CRTAM: variants seen among roughly 807,000 people sequenced by gnomAD.
CRTAM encodes cytotoxic and regulatory T-cell molecule.
In CRTAM, 44 loss-of-function variants were observed where a neutral mutation model predicts 50.0. That is an observed-to-expected ratio of 0.88 (90% CI 0.69 to 1.13). CRTAM has a LOEUF of 1.13. Among genes scored for constraint, CRTAM ranks in the 50% most tolerant of loss-of-function variants. The pLI is 0.00. For synonymous variants in CRTAM, 159 were observed against 169.3 expected (o/e 0.94, Z 0.47); for missense variants, 448 against 457.5 (o/e 0.98, Z 0.19).
At chr11:122,862,637 GT>G in intron 6 of CRTAM, 93 bp downstream of exon 6, 1 of 880,818 alleles carries the variant, frequency 1.1e-6, no homozygotes, top group Non-Finnish European at 1.7e-6. Context: ...AATATTTTTT[GT>G]TTTAATTTTT....
At chr11:122,838,933 A>ATTTG (rs1287025975) in intron 1 of CRTAM, among the ~76,000 whole-genome samples, 16 of 151,892 alleles carry the variant, frequency 1.1e-4, no homozygotes, top group Non-Finnish European at 1.8e-4. Flanking sequence ...TATTTTATTT[A>ATTTG]TTTATTTATT....
At chr11:122,864,160 G>A (rs1365447879) in intron 6 of CRTAM, among the ~76,000 whole-genome samples, 2 of 152,138 alleles carry the variant, frequency 1.3e-5, no homozygotes, top group African/African-American at 2.4e-5. Flanking sequence ...TTGGAATGCC[G>A]TTCCTCGGTG....
rs562955752 is a variant in CRTAM at position 122,870,318 on chromosome 11, T to C, written c.1052-951T>C. ...CTGGTCTTGAACTCCTGGACTCAAG[T>C]GATCCACCCACCTTGGCCTCCCAAA... On this transcript the variant is annotated intron_variant, in intron 9 of 9. Coordinates refer to ENST00000227348, the MANE Select transcript of CRTAM (RefSeq NM_019604.4). 6.6e-5 allele frequency among the ~76,000 whole-genome samples: 10 copies of C among 152,138 alleles called. No homozygotes were observed. The East Asian group carries it at 1.6e-3, about 24-fold the overall frequency.
chr11:122,853,960 A>G lies in CRTAM; in HGVS notation c.364A>G (p.Ile122Val). The G allele has an allele frequency of 6.2e-7, 1 of 1,614,052 alleles. No individual in the cohort carries two copies. Among genetic ancestry groups the G allele is most frequent in the African/African-American group, 1.3e-5 (1 of 75,030 alleles). The change falls in exon 4 of 10, where the codon ATC becomes GTC. Residue 122 changes from isoleucine (I) to valine (V), a missense_variant. Physicochemically the swap from Ile to Val is conservative, Grantham distance 29. Coordinates refer to ENST00000227348, the MANE Select transcript of CRTAM (RefSeq NM_019604.4). ...TGTTCTAGCAACTCCTTTCAAGCCA[A>G]TCCTGGAAGCTTCAGTTATCAGAAA... ...VIVLATPFKP[I>V]LEASVIRKQN...
At chr11:122,843,211 C>T (rs1861821038) in intron 1 of CRTAM, among the ~76,000 whole-genome samples, 1 of 152,138 alleles carries the variant, frequency 6.6e-6, no homozygotes, top group Admixed American at 6.6e-5. Context: ...GTAAAGCCAT[C>T]CACTGATAGG....
rs574304585 is a variant in CRTAM, at chr11:122,863,321, A to G, written c.733+777A>G. 4.7e-4 allele frequency among the ~76,000 whole-genome samples: 49 copies of G among 103,550 alleles called. 1 individual carries two copies. The highest frequency in any genetic ancestry group is 8.3e-4 in the Non-Finnish European group (36 of 43,636). The allele number at this position is 103,550 out of a possible 152,430, so 67.9% of individuals were successfully genotyped here. A position where few individuals can be genotyped will look rare whatever the true frequency, so the allele number is the denominator to read the frequency against. ...AAGAGAGAAAGAAAAGAAAGAAAGA[A>G]AAAGAAAGAAAGAAAGAAAGAAAGA... On this transcript the variant is annotated intron_variant, in intron 6 of 9. Transcript: ENST00000227348.
chr11:122,852,856 C>T (rs1262096752), intron 3 of CRTAM, among the ~76,000 whole-genome samples: 1 of 152,080 alleles, frequency 6.6e-6, no homozygotes, highest in African/African-American at 2.4e-5. Context: ...GTATTGCCAA[C>T]AAGTAACACA....
At chr11:122,868,186 A>ATATGTGTGTGTGTG in intron 9 of CRTAM, 87 bp downstream of exon 9, 1 of 631,058 alleles carries the variant, frequency 1.6e-6, no homozygotes, top group Non-Finnish European at 2.8e-6. Context: ...AGACAACAGA[A>ATATGTGTGTGTGTG]TATGTGTGTG....
chr11:122,862,408 A>G, intron 5 of CRTAM, 56 bp from the exon 6 acceptor site: 1 of 1,065,316 alleles, frequency 9.4e-7, no homozygotes, highest in East Asian at 2.4e-5. Flanking sequence ...TACTGAGCAC[A>G]ATGTGGGTAA....
chr11:122,854,435 G>T (rs1009112717), intron 4 of CRTAM, among the ~76,000 whole-genome samples: 1 of 152,128 alleles, frequency 6.6e-6, no homozygotes, highest in Non-Finnish European at 1.5e-5. Flanking sequence ...CACTTTGGGA[G>T]GCCAAGGTGG....
chr11:122,862,553 C>T lies in CRTAM; in HGVS notation c.733+9C>T. The T allele has an allele frequency of 7.4e-6, 11 of 1,491,822 alleles. No homozygotes were observed. The highest frequency in any genetic ancestry group is 1.0e-5 in the Non-Finnish European group (11 of 1,083,632). The allele number at this position is 1,491,822 out of a possible 1,614,324, so 92.4% of individuals were successfully genotyped here. On this transcript the variant is annotated intron_variant, in intron 6 of 9. Transcript: ENST00000227348. ...GCAGCCCACCAGTACTGGTAAGTGTCAAAATCATTCAAACTTGTTTTTAAA... is the reference window on the plus strand; with the variant it reads ...GCAGCCCACCAGTACTGGTAAGTGTTAAAATCATTCAAACTTGTTTTTAAA...
At chr11:122,871,178 TA>T in intron 9 of CRTAM, 90 bp from the exon 10 acceptor site, 3 of 1,247,498 alleles carry the variant, frequency 2.4e-6, no homozygotes, top group Non-Finnish European at 3.3e-6. Flanking sequence ...TATGTGAACC[TA>T]AAAATATGAT....
intron 1 of CRTAM, among the ~76,000 whole-genome samples, chr11:122,844,404 C>A (rs1011741237): frequency 2.0e-5 from 3 of 152,298 alleles, no homozygotes; most frequent in African/African-American, 2.4e-5. Flanking sequence ...AAGGTAAGAA[C>A]GTTGGCAAAA....
intron 8 of CRTAM, 99 bp downstream of exon 8, chr11:122,867,654 C>T (rs1591358188): frequency 8.2e-7 from 1 of 1,212,570 alleles, no homozygotes. Flanking sequence ...TCAGACACTA[C>T]ATAATCTATT....
intron 5 of CRTAM, 144 bp from the exon 6 acceptor site, chr11:122,862,320 C>T: frequency 1.6e-6 from 1 of 630,730 alleles, no homozygotes; most frequent in East Asian, 2.7e-5. Flanking sequence ...AGAGCAGGAG[C>T]CACAGAACAC....
Position 122,855,790 on chromosome 11 carries a change from T to C in CRTAM, c.586T>C (p.Cys196Arg). 6.2e-7 allele frequency: 1 copy of C among 1,614,084 alleles called. No homozygotes were observed. Among genetic ancestry groups the C allele is most frequent in the Non-Finnish European group, 8.5e-7 (1 of 1,179,896 alleles). ...TTATGGCAAAAATTCAACGGTGGAC[T>C]GCATTATCCGACACAGAGGCCTGCA... ...HTYGKNSTVD[C>R]IIRHRGLQGR... is the part of the protein sequence containing the mutation. Residue 196 changes from cysteine to arginine, a missense_variant, in exon 5 of 10, where the codon TGC becomes CGC. By Grantham distance (180) the Cys-to-Arg change is radical (BLOSUM62 -3). Transcript: ENST00000227348.
chr11:122,868,219 T>A, intron 9 of CRTAM, 120 bp downstream of exon 9: 1 of 620,328 alleles, frequency 1.6e-6, no homozygotes, highest in East Asian at 2.8e-5. Context: ...TGTGTGTGTG[T>A]GTGTGTGTGT....
rs1454428526 is a variant in CRTAM at position 122,861,410 on chromosome 11, ATATATATATATTTTTTTTTTTTTTT to A, written c.653-1052_653-1028del. 2.7e-4 allele frequency among the ~76,000 whole-genome samples: 7 copies of A among 26,072 alleles called. No individual in the cohort carries two copies. The Admixed American group carries it at 3.1e-3, about 12-fold the overall frequency. 17.1% of individuals were successfully genotyped at this position (26,072 alleles called of 152,430 possible). On this transcript the variant is annotated intron_variant, in intron 5 of 9. Transcript: ENST00000227348. ...CGTATATATATATATATATATATAT[ATATATATATATTTTTTTTTTTTTTT>A]TTTTTTTTTTTTTTTGAGAGGGAGT...
chr11:122,855,681 A>G lies in CRTAM; in HGVS notation c.491-14A>G. ...AGCATTAAATAGCCATAACCTCTTCAAATTGCTACATAGGTGGAACGCTCC... is the reference window on the plus strand; with the variant it reads ...AGCATTAAATAGCCATAACCTCTTCGAATTGCTACATAGGTGGAACGCTCC... On this transcript the variant is annotated splice_polypyrimidine_tract_variant and intron_variant, in intron 4 of 9. Transcript: ENST00000227348. The G allele has an allele frequency of 6.2e-7, 1 of 1,613,298 alleles. No individual in the cohort carries two copies. The highest frequency in any genetic ancestry group is 8.5e-7 in the Non-Finnish European group (1 of 1,179,382).
Sources: gnomAD v4.1 joint callset for allele counts (sites outside exome capture counted in the v4.1 genomes callset) on GRCh38, gnomAD v4.1.1 for gene constraint, MANE v1.5 for transcripts, NCBI Gene and HGNC (gene_info 2026-07-23, HGNC 2026-07-21) for gene names.